ATP2B1: variants seen among roughly 807,000 people sequenced by gnomAD.
ATP2B1 encodes plasma membrane calcium-transporting ATPase 1.
Under a neutral mutation model 124.2 loss-of-function variants are expected in ATP2B1, and 14 were observed. The observed-to-expected ratio is 0.11, with a 90% CI of 0.07 to 0.18. The LOEUF (loss-of-function observed/expected upper bound fraction) is 0.18. Ranked by LOEUF, ATP2B1 falls within the 10% of genes least tolerant of loss-of-function variation. The pLI is 1.00. For missense variants in ATP2B1, 763 were observed against 1,466.1 expected, an observed-to-expected ratio of 0.52 and a Z score of 7.83; for synonymous variants, 449 against 492.4, an observed-to-expected ratio of 0.91 and a Z score of 1.17.
At chr12:89,640,038 C>A (rs1037609743) in intron 3 of ATP2B1, among the ~76,000 whole-genome samples, 13 of 152,138 alleles carry the variant, frequency 8.5e-5, no homozygotes, top group South Asian at 4.1e-4. Flanking sequence ...CTCCCCTTTT[C>A]AGATAAACAC....
At chr12:89,625,820 T>C (rs1880786418) in intron 8 of ATP2B1, among the ~76,000 whole-genome samples, 1 of 152,114 alleles carries the variant, frequency 6.6e-6, no homozygotes, top group Non-Finnish European at 1.5e-5. Context: ...AACGTCACTT[T>C]TTCCATCATA....
chr12:89,611,570 C>T, intron 12 of ATP2B1, 198 bp from the exon 13 acceptor site: 2 of 441,642 alleles, frequency 4.5e-6, no homozygotes, highest in Non-Finnish European at 7.5e-6. Flanking sequence ...AATTCCACTG[C>T]CAGACTTAGC....
At chr12:89,645,774 G>C (rs1234520708) in intron 2 of ATP2B1, among the ~76,000 whole-genome samples, 1 of 152,182 alleles carries the variant, frequency 6.6e-6, no homozygotes, top group Non-Finnish European at 1.5e-5. Flanking sequence ...TAAGAACATG[G>C]GGGCTAGGGA....
chr12:89,621,910 A>G (rs1880026942), intron 9 of ATP2B1, 119 bp from the exon 10 acceptor site: 1 of 1,092,680 alleles, frequency 9.2e-7, no homozygotes, highest in Non-Finnish European at 1.2e-6. Flanking sequence ...TATAAATACA[A>G]TGTATAAAGT....
At chr12:89,612,806 T>G (rs1250092929) in intron 12 of ATP2B1, among the ~76,000 whole-genome samples, 1 of 152,220 alleles carries the variant, frequency 6.6e-6, no homozygotes, top group Non-Finnish European at 1.5e-5. Flanking sequence ...TCAATGAGCT[T>G]CTTGAAGGTA....
chr12:89,601,740 GAAT>G (rs1248563970), intron 18 of ATP2B1, among the ~76,000 whole-genome samples: 3 of 152,068 alleles, frequency 2.0e-5, no homozygotes, highest in African/African-American at 7.2e-5. Context: ...TTATGACCAA[GAAT>G]AATAATTTTA....
At chr12:89,625,624 A>C (rs1349093130) in intron 8 of ATP2B1, among the ~76,000 whole-genome samples, 2 of 150,796 alleles carry the variant, frequency 1.3e-5, no homozygotes, top group African/African-American at 4.9e-5. Flanking sequence ...AGAAAAAAAG[A>C]AAAAAAAAGG....
intron 2 of ATP2B1, among the ~76,000 whole-genome samples, chr12:89,652,210 C>T (rs948162172): frequency 3.3e-5 from 5 of 152,160 alleles, no homozygotes; most frequent in South Asian, 4.1e-4. Flanking sequence ...ATGCCTACTG[C>T]GTGGCAGATA....
At chr12:89,625,953 C>G (rs1359113156) in intron 8 of ATP2B1, among the ~76,000 whole-genome samples, 1 of 152,162 alleles carries the variant, frequency 6.6e-6, no homozygotes, top group East Asian at 1.9e-4. Context: ...AACCTCAGAG[C>G]TCTGCTTTTT....
intron 20 of ATP2B1, among the ~76,000 whole-genome samples, chr12:89,595,807 A>G (rs1425307927): frequency 1.3e-5 from 2 of 152,128 alleles, no homozygotes; most frequent in Non-Finnish European, 2.9e-5. Context: ...TTAACGAGAT[A>G]TGATTTACTC....
Position 89,603,114 on chromosome 12 carries a change from T to C in ATP2B1, c.2989A>G (p.Arg997Gly). The change falls in exon 18 of 21, where the codon AGA becomes GGA. Residue 997 changes from arginine to glycine, a missense_variant. Physicochemically the swap from Arg to Gly is moderately radical, Grantham distance 125. This residue lies in a region of ATP2B1 where 118 missense variants were observed against 240.3 expected (regional missense o/e 0.49). Coordinates refer to ENST00000428670, the MANE Select transcript of ATP2B1 (RefSeq NM_001366521.1). The surrounding 1 kb of genome is among the most constrained non-coding windows in gnomAD (Gnocchi z 4.3). The part of the protein sequence containing the change: ...EINARKIHGE[R>G]NVFEGIFNNA... ...TTAAAGATTCCTTCGAATACATTTC[T>C]TTCACCATGAATTTTCCGGGCATTT... 1 of 1,614,026 alleles carries C rather than the reference T, an allele frequency of 6.2e-7. No homozygotes were observed. The highest frequency in any genetic ancestry group is 8.5e-7 in the Non-Finnish European group (1 of 1,179,938).
At chr12:89,648,509 C>T (rs1421768052) in intron 2 of ATP2B1, among the ~76,000 whole-genome samples, 1 of 152,188 alleles carries the variant, frequency 6.6e-6, no homozygotes, top group African/African-American at 2.4e-5. Context: ...ACAGGCATGG[C>T]TGATTCAACA....
chr12:89,655,648 A>T, intron 2 of ATP2B1, 31 bp downstream of exon 2: 1 of 1,600,676 alleles, frequency 6.2e-7, no homozygotes, highest in Non-Finnish European at 8.6e-7. Flanking sequence ...TCTTTGCACA[A>T]AGAACCAAAA....
At chr12:89,629,211 G>C (rs777253397) in intron 6 of ATP2B1, among the ~76,000 whole-genome samples, 2 of 152,142 alleles carry the variant, frequency 1.3e-5, no homozygotes, top group Admixed American at 1.3e-4. Context: ...TAAAAGGGTA[G>C]ACTCTTGAGC....
intron 20 of ATP2B1, among the ~76,000 whole-genome samples, chr12:89,591,900 CCATTTGTCTAT>C (rs1461211259): frequency 6.6e-6 from 1 of 151,908 alleles, no homozygotes; most frequent in Non-Finnish European, 1.5e-5. Context: ...TGAGTATATG[CCATTTGTCTAT>C]CATTTGTCTA....
intron 1 of ATP2B1, among the ~76,000 whole-genome samples, chr12:89,659,493 A>C (rs1466003896): frequency 6.6e-6 from 1 of 152,214 alleles, no homozygotes; most frequent in African/African-American, 2.4e-5. Flanking sequence ...GTGAATGGGT[A>C]GGGCCTTAGA....
intron 1 of ATP2B1, among the ~76,000 whole-genome samples, chr12:89,679,913 A>G (rs1889127570): frequency 6.6e-6 from 1 of 152,158 alleles, no homozygotes; most frequent in Non-Finnish European, 1.5e-5. Flanking sequence ...AGATAAACAG[A>G]GAAGGGAGGT....
intron 1 of ATP2B1, among the ~76,000 whole-genome samples, chr12:89,680,937 A>G (rs1476232548): frequency 6.6e-6 from 1 of 152,206 alleles, no homozygotes; most frequent in Non-Finnish European, 1.5e-5. Flanking sequence ...AGAATGTGGG[A>G]GCTGAGCTTT....
At chr12:89,679,048 TA>T (rs1270394662) in intron 1 of ATP2B1, among the ~76,000 whole-genome samples, 1 of 151,936 alleles carries the variant, frequency 6.6e-6, no homozygotes, top group Non-Finnish European at 1.5e-5. Context: ...CAAAGCTACT[TA>T]AGGCATTAAA....
Sources: allele counts gnomAD v4.1 joint callset (sites outside exome capture counted in the v4.1 genomes callset), GRCh38; gene constraint gnomAD v4.1.1; regional missense constraint gnomAD v4.1.1; non-coding constraint Gnocchi (gnomAD v3.1); transcripts MANE v1.5; gene names NCBI Gene and HGNC (gene_info 2026-07-23, HGNC 2026-07-21).